Variants in USP53 observed in about 807,000 individuals in gnomAD.
USP53 encodes the protein ubiquitin specific peptidase 53.
USP53 carries 71 observed loss-of-function variants against 94.9 expected under a neutral mutation model. The ratio of observed to expected loss-of-function variants is 0.75; its 90% CI spans 0.62 to 0.91. USP53 has a LOEUF of 0.91. USP53 is among the 40% of genes least tolerant of loss of function. The pLI, the probability that USP53 is intolerant of heterozygous loss-of-function variation, is 0.00. For synonymous variants in USP53, 375 were observed against 422.7 expected (o/e 0.89, Z 1.39); for missense variants, 1,173 against 1,281.0 (o/e 0.92, Z 1.29).
At chr4:119,281,812 A>G (rs1448399721) in intron 17 of USP53, among the ~76,000 whole-genome samples, 1 of 152,166 alleles carries the variant, frequency 6.6e-6, no homozygotes, top group Non-Finnish European at 1.5e-5. Flanking sequence ...TTTTTGTGGT[A>G]AAATATGTAT....
chr4:119,237,346 G>A (rs534617974), intron 4 of USP53, among the ~76,000 whole-genome samples: 3 of 152,088 alleles, frequency 2.0e-5, no homozygotes, highest in Non-Finnish European at 2.9e-5. Flanking sequence ...ACTGCATTAT[G>A]TCCTAATAAG....
At chr4:119,264,900 C>G (rs115418038) in intron 12 of USP53, among the ~76,000 whole-genome samples, 1 of 152,124 alleles carries the variant, frequency 6.6e-6, no homozygotes, top group African/African-American at 2.4e-5. Context: ...ACTCAAATGT[C>G]AGCAATTGGT....
intron 5 of USP53, among the ~76,000 whole-genome samples, chr4:119,242,822 T>G (rs1477834873): frequency 2.0e-5 from 3 of 152,236 alleles, no homozygotes; most frequent in African/African-American, 7.2e-5. Flanking sequence ...TCAAAAATGC[T>G]GAGAAATAAA....
chr4:119,239,750 T>C lies in USP53; in HGVS notation c.-10T>C. 6.2e-7 allele frequency: 1 copy of C among 1,601,662 alleles called. No homozygotes were observed. Among genetic ancestry groups the C allele is most frequent in the Non-Finnish European group, 8.5e-7 (1 of 1,175,176 alleles). On this transcript the variant is annotated 5_prime_UTR_variant, in exon 5 of 19. Coordinates refer to ENST00000692078, the MANE Select transcript of USP53 (RefSeq NM_001371395.1). Reference sequence around the variant, plus strand: ...GTTTTTAGCCTAAATGCAAACAAAGTTGCTTGAAAATGGCATGGGTAAAAT... The same window carrying C: ...GTTTTTAGCCTAAATGCAAACAAAGCTGCTTGAAAATGGCATGGGTAAAAT...
intron 16 of USP53, 56 bp downstream of exon 16, chr4:119,272,090 C>G: frequency 1.3e-6 from 2 of 1,505,230 alleles, no homozygotes; most frequent in Non-Finnish European, 1.8e-6. Context: ...TTGTTAATTG[C>G]ATGAAGTAAT....
chr4:119,253,476 C>T (rs1376280283), intron 7 of USP53, among the ~76,000 whole-genome samples: 1 of 152,132 alleles, frequency 6.6e-6, no homozygotes, highest in African/African-American at 2.4e-5. Flanking sequence ...ATGTAATGGT[C>T]TTCTTTGTCT....
chr4:119,277,986 A>G (rs1310334768), intron 17 of USP53, among the ~76,000 whole-genome samples: 2 of 138,050 alleles, frequency 1.4e-5, no homozygotes, highest in Admixed American at 1.5e-4. Context: ...TTTTGAGCCT[A>G]TGTGTGTCTC....
At chr4:119,218,709 AAC>A (rs1403181375) in intron 3 of USP53, 4 of 152,206 alleles carry the variant, frequency 2.6e-5, no homozygotes, top group Non-Finnish European at 4.4e-5. Flanking sequence ...TAGCTTTATA[AAC>A]ACAGTTACTT....
chr4:119,284,089 C>A (rs1003685827), intron 17 of USP53, among the ~76,000 whole-genome samples: 1 of 151,688 alleles, frequency 6.6e-6, no homozygotes, highest in African/African-American at 2.4e-5. Flanking sequence ...AAAGGAAAAA[C>A]AGAGAAGTGT....
intron 17 of USP53, among the ~76,000 whole-genome samples, chr4:119,290,405 T>C (rs1454212005): frequency 6.6e-6 from 1 of 152,204 alleles, no homozygotes; most frequent in Admixed American, 6.5e-5. Context: ...GGAAGCATTA[T>C]GGCATCATGG....
chr4:119,285,510 T>C (rs1046435076), intron 17 of USP53, among the ~76,000 whole-genome samples: 3 of 151,768 alleles, frequency 2.0e-5, no homozygotes, highest in African/African-American at 7.2e-5. Flanking sequence ...CAAATAAGAG[T>C]GAAAGAAGTT....
chr4:119,227,867 T>C (rs1745537593), intron 3 of USP53, among the ~76,000 whole-genome samples: 2 of 152,158 alleles, frequency 1.3e-5, no homozygotes, highest in African/African-American at 4.8e-5. Flanking sequence ...AGTAAAGAGA[T>C]AAGCAAAAGA....
chr4:119,245,468 T>G, intron 6 of USP53, 39 bp downstream of exon 6: 6 of 1,556,752 alleles, frequency 3.9e-6, no homozygotes, highest in Non-Finnish European at 5.3e-6. Flanking sequence ...CTATCAATTG[T>G]TCCTTCAAAA....
chr4:119,265,835 G>A (rs186425830), intron 12 of USP53, among the ~76,000 whole-genome samples: 1 of 152,236 alleles, frequency 6.6e-6, no homozygotes, highest in Admixed American at 6.5e-5. Context: ...AATGCTTTGT[G>A]GTGTTTTTGT....
intron 3 of USP53, among the ~76,000 whole-genome samples, chr4:119,227,507 G>A (rs945268324): frequency 7.9e-5 from 12 of 152,166 alleles, no homozygotes; most frequent in African/African-American, 2.9e-4. Context: ...GCGGGCGCCT[G>A]TAGTCCCAGC....
chr4:119,228,459 A>G (rs897157040), intron 3 of USP53, among the ~76,000 whole-genome samples: 2 of 152,196 alleles, frequency 1.3e-5, no homozygotes, highest in African/African-American at 4.8e-5. Context: ...GATAATCGCC[A>G]TATTTTTAGG....
chr4:119,272,144 G>A (rs1751954791), intron 16 of USP53, 110 bp downstream of exon 16: 1 of 1,231,276 alleles, frequency 8.1e-7, no homozygotes, highest in Non-Finnish European at 1.1e-6. Flanking sequence ...AACAGCATGA[G>A]CTGTTTTAAA....
chr4:119,272,130 C>T (rs2149421552), intron 16 of USP53, 96 bp downstream of exon 16: 2 of 1,323,170 alleles, frequency 1.5e-6, no homozygotes, highest in Non-Finnish European at 2.0e-6. Flanking sequence ...TTAAATAGAA[C>T]AGAAACAGCA....
chr4:119,250,780 A>G lies in USP53; in HGVS notation c.372+1898A>G, dbSNP rs950444445. Among the ~76,000 whole-genome samples, 79 of 152,216 alleles carry G rather than the reference A, an allele frequency of 5.2e-4. 2 individuals are homozygous for G. The highest frequency in any genetic ancestry group is 7.9e-4 in the Non-Finnish European group (54 of 68,036). ...AGAAATAAATGCCCCTTATTGATCTATATTGTAAATCAATATTTATATGAA... is the reference window on the plus strand; with the variant it reads ...AGAAATAAATGCCCCTTATTGATCTGTATTGTAAATCAATATTTATATGAA... On this transcript the variant is annotated intron_variant, in intron 7 of 18. Coordinates refer to ENST00000692078, the MANE Select transcript of USP53 (RefSeq NM_001371395.1).
Sources: gnomAD v4.1 joint callset for allele counts (sites outside exome capture counted in the v4.1 genomes callset) on GRCh38, gnomAD v4.1.1 for gene constraint, MANE v1.5 for transcripts, NCBI Gene and HGNC (gene_info 2026-07-23, HGNC 2026-07-21) for gene names.